The following ATP8B4 variants were observed in gnomAD, a reference collection of about 807,000 sequenced individuals.
ATP8B4 encodes the protein ATPase phospholipid transporting 8B4 (putative), also known as probable phospholipid-transporting ATPase IM.
ATP8B4 carries 133 observed loss-of-function variants against 145.6 expected under a neutral mutation model. That is an observed-to-expected ratio of 0.91 (90% CI 0.79 to 1.05). The LOEUF is 1.05. Ranked by LOEUF, ATP8B4 falls within the 50% of genes least tolerant of loss-of-function variation. ATP8B4 has a pLI of 0.00. For synonymous variants in ATP8B4, 507 were observed against 492.9 expected, an observed-to-expected ratio of 1.03 and a Z score of -0.38; for missense variants, 1,458 against 1,425.2, an observed-to-expected ratio of 1.02 and a Z score of -0.37.
intron 20 of ATP8B4, among the ~76,000 whole-genome samples, chr15:49,911,062 G>T (rs1207729740): frequency 1.3e-5 from 2 of 151,982 alleles, no homozygotes; most frequent in Admixed American, 6.6e-5. Context: ...TAATAAAAAA[G>T]AAATAAAGGA....
At chr15:50,013,934 A>C (rs1321829949) in intron 6 of ATP8B4, among the ~76,000 whole-genome samples, 3 of 152,210 alleles carry the variant, frequency 2.0e-5, no homozygotes, top group African/African-American at 7.2e-5. Context: ...AGAGTGAGGT[A>C]GCACCTATCA....
chr15:49,876,760 A>T, intron 24 of ATP8B4: 1 of 675,454 alleles, frequency 1.5e-6, no homozygotes, highest in Non-Finnish European at 2.6e-6. Flanking sequence ...ATGAGAGGTC[A>T]CACAGCTCGT....
intron 3 of ATP8B4, among the ~76,000 whole-genome samples, chr15:50,056,706 TATATA>T (rs2052626967): frequency 7.1e-6 from 1 of 140,672 alleles, no homozygotes; most frequent in South Asian, 2.2e-4. Context: ...TATGTGTATA[TATATA>T]TATATACACA....
chr15:49,902,595 G>T (rs1379475531), intron 20 of ATP8B4, among the ~76,000 whole-genome samples: 1 of 152,190 alleles, frequency 6.6e-6, no homozygotes, highest in Non-Finnish European at 1.5e-5. Context: ...CAAAGAAAAA[G>T]ATGTATAAAG....
intron 3 of ATP8B4, among the ~76,000 whole-genome samples, chr15:50,073,648 C>A (rs1025230833): frequency 6.6e-6 from 1 of 152,122 alleles, no homozygotes; most frequent in Non-Finnish European, 1.5e-5. Context: ...GGTTCTAGAT[C>A]CCTGAGGAAT....
At chr15:49,945,830 GAA>G (rs2042518747) in intron 14 of ATP8B4, among the ~76,000 whole-genome samples, 1 of 151,950 alleles carries the variant, frequency 6.6e-6, no homozygotes, top group Admixed American at 6.6e-5. Context: ...CAACAAAAAA[GAA>G]ACAGCAGAAA....
chr15:50,034,634 T>C (rs1053091736), intron 6 of ATP8B4, among the ~76,000 whole-genome samples: 3 of 152,190 alleles, frequency 2.0e-5, no homozygotes, highest in Non-Finnish European at 2.9e-5. Flanking sequence ...GTACATTAGA[T>C]TCATCTTGGA....
intron 4 of ATP8B4, 141 bp downstream of exon 4, chr15:50,047,208 AAC>A: frequency 3.3e-6 from 2 of 603,064 alleles, no homozygotes; most frequent in Non-Finnish European, 5.8e-6. Flanking sequence ...TGTGAAAAGA[AAC>A]AGCAACAACA....
At chr15:49,975,700 A>C (rs8041517) in intron 12 of ATP8B4, among the ~76,000 whole-genome samples, 1 of 151,922 alleles carries the variant, frequency 6.6e-6, no homozygotes, top group South Asian at 2.1e-4. Context: ...TTTTAATGTT[A>C]CTTTCATAAT....
chr15:50,137,720 C>A (rs531018939), intron 1 of ATP8B4, among the ~76,000 whole-genome samples: 1 of 152,330 alleles, frequency 6.6e-6, no homozygotes, highest in Admixed American at 6.5e-5. Flanking sequence ...GATGCTTCTT[C>A]TTGTGAAGTG....
intron 1 of ATP8B4, among the ~76,000 whole-genome samples, chr15:50,161,623 CAAGCA>C (rs142213885): frequency 0.09 from 13,647 of 152,008 alleles, 788 homozygotes; most frequent in Middle Eastern, 0.15. Flanking sequence ...CATAAACAAA[CAAGCA>C]AAGAGAAAAT....
At chr15:50,174,369 C>T (rs183063106) in intron 1 of ATP8B4, among the ~76,000 whole-genome samples, 3 of 152,106 alleles carry the variant, frequency 2.0e-5, no homozygotes, top group South Asian at 4.2e-4. Context: ...TGTTTGCTGA[C>T]GATAGGATCA....
At chr15:49,998,948 T>C (rs982506243) in intron 8 of ATP8B4, among the ~76,000 whole-genome samples, 3 of 152,180 alleles carry the variant, frequency 2.0e-5, no homozygotes, top group African/African-American at 7.2e-5. Flanking sequence ...AGTTTCAGCT[T>C]TCTACATATG....
chr15:50,087,457 CAT>C (rs1165440795), intron 2 of ATP8B4, among the ~76,000 whole-genome samples: 1 of 147,574 alleles, frequency 6.8e-6, no homozygotes, highest in Non-Finnish European at 1.5e-5. Flanking sequence ...ATACACTCCT[CAT>C]ATTCTTGAGA....
chr15:49,958,828 T>G (rs2043817006), intron 14 of ATP8B4, among the ~76,000 whole-genome samples: 1 of 151,960 alleles, frequency 6.6e-6, no homozygotes, highest in African/African-American at 2.4e-5. Flanking sequence ...AAGAACATTA[T>G]CTAAGAGCTA....
At chr15:50,160,912 C>T (rs6493409) in intron 1 of ATP8B4, among the ~76,000 whole-genome samples, 104,448 of 151,900 alleles carry the variant, frequency 0.69, 36,788 homozygotes, top group East Asian at 0.9. Context: ...GAATAAGTTT[C>T]ATGTTTCTTT....
chr15:50,045,228 AC>A (rs1227172787), intron 4 of ATP8B4, among the ~76,000 whole-genome samples: 6 of 152,210 alleles, frequency 3.9e-5, no homozygotes, highest in African/African-American at 1.4e-4. Context: ...AACACAGAAT[AC>A]TACATTATGA....
chr15:49,889,900 T>C (rs2036608106), intron 23 of ATP8B4, among the ~76,000 whole-genome samples: 1 of 152,216 alleles, frequency 6.6e-6, no homozygotes, highest in Non-Finnish European at 1.5e-5. Context: ...AAACAATCTG[T>C]TGAGAGGTAC....
intron 3 of ATP8B4, among the ~76,000 whole-genome samples, chr15:50,050,140 C>T (rs1350200061): frequency 6.6e-6 from 1 of 152,188 alleles, no homozygotes; most frequent in East Asian, 1.9e-4. Flanking sequence ...ATTTATTTTA[C>T]AGACATTTCT....
Sources: gnomAD v4.1 joint callset for allele counts (sites outside exome capture counted in the v4.1 genomes callset) on GRCh38, gnomAD v4.1.1 for gene constraint, MANE v1.5 for transcripts, NCBI Gene and HGNC (gene_info 2026-07-23, HGNC 2026-07-21) for gene names.